Variants in PAGE2B observed in about 807,000 individuals in gnomAD.
PAGE2B encodes PAGE family member 2B.
A neutral mutation model predicts 7.6 loss-of-function variants in PAGE2B; 5 were observed. The ratio of observed to expected loss-of-function variants is 0.66; its 90% CI spans 0.34 to 1.38. The LOEUF is 1.38. Ranked by LOEUF, PAGE2B falls within the 40% of genes most tolerant of loss-of-function variation. The probability of loss-of-function intolerance (pLI) is 0.04; values close to 1 mark genes in which losing one functional copy is unlikely to be tolerated. For synonymous variants in PAGE2B, 29 were observed against 26.7 expected, an observed-to-expected ratio of 1.09 and a Z score of -0.27; for missense variants, 70 against 78.4, an observed-to-expected ratio of 0.89 and a Z score of 0.41.
the PAGE2B span, among the ~76,000 whole-genome samples, chrX:55,061,346 TAATCAG>T: frequency 2.7e-5 from 3 of 111,160 alleles, no homozygotes; most frequent in Non-Finnish European, 5.7e-5. Flanking sequence ...GTCACCCAGG[TAATCAG>T]CATAGTACCT....
the PAGE2B span, among the ~76,000 whole-genome samples, chrX:55,043,135 A>G: frequency 1.8e-5 from 2 of 111,622 alleles, no homozygotes; most frequent in Non-Finnish European, 3.8e-5. Flanking sequence ...ATAATTGGCG[A>G]GCCACATGTA....
At chrX:55,076,354 ATATGTATATATGTATATATGTATGTATG>A (rs1277316880) in intron 2 of PAGE2B, among the ~76,000 whole-genome samples, 187 bp from the exon 3 acceptor site, 1 of 102,808 alleles carries the variant, frequency 9.7e-6, no homozygotes, top group East Asian at 3.0e-4. Flanking sequence ...GTGTGTGTGT[ATATGTATATATGTATATATGTATGTATG>A]TATGTATATA....
At chrX:55,074,847 G>T, upstream of PAGE2B, among the ~76,000 whole-genome samples, 1 of 112,585 alleles carries the variant, frequency 8.9e-6, no homozygotes, top group Middle Eastern at 4.6e-3. Context: ...TGCTTTGCAA[G>T]TTCATTTTCG....
intron 3 of PAGE2B, among the ~76,000 whole-genome samples, chrX:55,077,150 G>A (rs1451712273): frequency 1.8e-5 from 2 of 111,869 alleles, no homozygotes; most frequent in African/African-American, 3.3e-5. Context: ...CAAACAAATC[G>A]CTGATTTAAT....
the PAGE2B span, among the ~76,000 whole-genome samples, chrX:55,041,303 G>A: frequency 1.8e-5 from 2 of 109,259 alleles, no homozygotes; most frequent in East Asian, 2.9e-4. Context: ...GGATGGTCTC[G>A]ATCTCCTGAC....
intron 1 of PAGE2B, 146 bp from the exon 2 acceptor site, chrX:55,075,888 G>T: frequency 1.8e-6 from 1 of 556,709 alleles, no homozygotes; most frequent in Non-Finnish European, 2.8e-6. Context: ...TGATTGGAAA[G>T]CGTGGGTACT....
the PAGE2B span, among the ~76,000 whole-genome samples, chrX:55,052,548 T>A: frequency 3.1e-4 from 35 of 112,527 alleles, no homozygotes; most frequent in African/African-American, 1.1e-3. Flanking sequence ...CCTTGCAGTT[T>A]GATCTCAGAT....
the PAGE2B span, among the ~76,000 whole-genome samples, chrX:55,050,807 C>T: frequency 1.8e-5 from 2 of 111,385 alleles, no homozygotes; most frequent in African/African-American, 3.3e-5. Flanking sequence ...AGCCCATTTA[C>T]GTTTAAGGTT....
At chrX:55,045,293 C>A in the PAGE2B span, among the ~76,000 whole-genome samples, 4 of 111,300 alleles carry the variant, frequency 3.6e-5, no homozygotes, top group African/African-American at 1.3e-4. Flanking sequence ...ATTTCAGGAA[C>A]TCTCCCCCAG....
chrX:55,031,131 G>A, the PAGE2B span: 2 of 259,900 alleles, frequency 7.7e-6, no homozygotes, highest in Non-Finnish European at 1.5e-5. Flanking sequence ...TCCCTCTAGT[G>A]TACCCCCTCC....
the PAGE2B span, among the ~76,000 whole-genome samples, chrX:55,051,253 A>G: frequency 3.6e-5 from 4 of 110,637 alleles, no homozygotes; most frequent in African/African-American, 6.6e-5. Context: ...TTTTTCCTTC[A>G]TTTCAACTTT....
chrX:55,048,642 T>C, the PAGE2B span, among the ~76,000 whole-genome samples: 1 of 111,903 alleles, frequency 8.9e-6, no homozygotes, highest in African/African-American at 3.2e-5. Context: ...TTGTGATTTT[T>C]GCACATTGAT....
At chrX:55,071,106 T>C (rs886804070), upstream of PAGE2B, among the ~76,000 whole-genome samples, 1 of 112,154 alleles carries the variant, frequency 8.9e-6, no homozygotes, top group African/African-American at 3.2e-5. Context: ...TGCCAATTAG[T>C]TTATGCAGTT....
chrX:55,048,229 T>C, the PAGE2B span, among the ~76,000 whole-genome samples: 1 of 111,782 alleles, frequency 8.9e-6, no homozygotes, highest in Admixed American at 9.5e-5. Flanking sequence ...CCTTGTAGTA[T>C]AGTTTGAAGT....
At chrX:55,063,630 T>C in the PAGE2B span, among the ~76,000 whole-genome samples, 1 of 111,278 alleles carries the variant, frequency 9.0e-6, no homozygotes, top group Non-Finnish European at 1.9e-5. Flanking sequence ...AGAATCCTTG[T>C]TCCAGTTCTT....
chrX:55,062,762 T>C, the PAGE2B span, among the ~76,000 whole-genome samples: 1 of 111,949 alleles, frequency 8.9e-6, no homozygotes, highest in Non-Finnish European at 1.9e-5. Context: ...TAATACATTT[T>C]GATTTGATTT....
intron 3 of PAGE2B, among the ~76,000 whole-genome samples, chrX:55,077,190 A>G (rs1936530875): frequency 1.8e-5 from 2 of 112,212 alleles, no homozygotes; most frequent in Non-Finnish European, 3.8e-5. Context: ...ATGAGTACAA[A>G]AGGGACAAGT....
chrX:55,073,738 T>C (rs1470327607), upstream of PAGE2B, among the ~76,000 whole-genome samples: 2 of 112,010 alleles, frequency 1.8e-5, no homozygotes, highest in Non-Finnish European at 3.8e-5. Flanking sequence ...ATAGTGGAGA[T>C]TGTTCTCCTC....
chrX:55,028,245 C>T, the PAGE2B span, among the ~76,000 whole-genome samples: 2 of 110,961 alleles, frequency 1.8e-5, no homozygotes, highest in South Asian at 3.8e-4. Flanking sequence ...TGACCACTCC[C>T]CAAGCTGAGA....
Sources: gnomAD v4.1 joint callset for allele counts (sites outside exome capture counted in the v4.1 genomes callset) on GRCh38, gnomAD v4.1.1 for gene constraint, MANE v1.5 for transcripts, NCBI Gene and HGNC (gene_info 2026-07-23, HGNC 2026-07-21) for gene names.